The following DCLK1 variants were observed in gnomAD, a reference collection of about 807,000 sequenced individuals.
DCLK1 encodes serine/threonine-protein kinase DCLK1.
Under a neutral mutation model 86.2 loss-of-function variants are expected in DCLK1, and 16 were observed. The observed-to-expected ratio is 0.19, with a 90% CI of 0.13 to 0.28. The LOEUF (loss-of-function observed/expected upper bound fraction) is 0.28. Ranked by LOEUF, DCLK1 falls within the 10% of genes least tolerant of loss-of-function variation. The pLI is 1.00. For missense variants in DCLK1, 590 were observed against 940.2 expected (o/e 0.63, Z 4.87); for synonymous variants, 369 against 370.5 (o/e 1.00, Z 0.05).
chr13:36,060,259 T>C (rs1156291526), intron 3 of DCLK1, among the ~76,000 whole-genome samples: 2 of 152,218 alleles, frequency 1.3e-5, no homozygotes, highest in East Asian at 3.8e-4. Context: ...AATTCCATTT[T>C]CTTAGTATAA....
At chr13:35,967,314 C>T (rs1417253293) in intron 3 of DCLK1, among the ~76,000 whole-genome samples, 4 of 152,178 alleles carry the variant, frequency 2.6e-5, no homozygotes, top group Admixed American at 2.0e-4. Context: ...GCCGCCACCC[C>T]ATCTGGGAGG....
chr13:36,082,657 G>A (rs147096405), intron 3 of DCLK1, among the ~76,000 whole-genome samples: 31 of 152,294 alleles, frequency 2.0e-4, no homozygotes, highest in Non-Finnish European at 3.7e-4. Flanking sequence ...CAGCTGAAAA[G>A]ATACAGTCCT....
intron 4 of DCLK1, among the ~76,000 whole-genome samples, chr13:35,944,971 G>A (rs1267345508): frequency 5.9e-5 from 9 of 152,028 alleles, no homozygotes; most frequent in African/African-American, 2.2e-4. Flanking sequence ...GTGCGATCTC[G>A]GTTCACCGCA....
intron 4 of DCLK1, among the ~76,000 whole-genome samples, chr13:35,923,540 G>T (rs952994421): frequency 1.3e-5 from 2 of 152,020 alleles, no homozygotes; most frequent in Non-Finnish European, 2.9e-5. Flanking sequence ...GTGGGGGGTA[G>T]AGAGGCTATG....
intron 3 of DCLK1, among the ~76,000 whole-genome samples, chr13:36,037,774 A>T (rs1882561052): frequency 1.3e-5 from 2 of 152,084 alleles, no homozygotes; most frequent in Non-Finnish European, 2.9e-5. Flanking sequence ...ATGAGCCACC[A>T]TGCCCGGCCA....
intron 11 of DCLK1, among the ~76,000 whole-genome samples, chr13:35,821,075 T>C (rs1474127066): frequency 1.3e-5 from 2 of 152,338 alleles, no homozygotes; most frequent in African/African-American, 2.4e-5. Context: ...GCTAAGGCTC[T>C]GGAAGTCAGA....
At chr13:35,916,683 T>G (rs1875433084) in intron 4 of DCLK1, among the ~76,000 whole-genome samples, 1 of 152,190 alleles carries the variant, frequency 6.6e-6, no homozygotes, top group African/African-American at 2.4e-5. Context: ...AACATGAAAC[T>G]TTAATACACA....
intron 2 of DCLK1, among the ~76,000 whole-genome samples, chr13:36,120,888 G>A (rs555878605): frequency 3.3e-5 from 5 of 152,198 alleles, no homozygotes; most frequent in East Asian, 3.9e-4. Context: ...ATAGAGAAAC[G>A]GCCACTTTCA....
rs1029864686 is a variant in DCLK1, at chr13:35,899,094, G to T, written c.824-27754C>A. 1.3e-4 allele frequency among the ~76,000 whole-genome samples: 20 copies of T among 152,116 alleles called. 1 individual carries two copies. Among genetic ancestry groups the T allele is most frequent in the African/African-American group, 4.8e-4 (20 of 41,428 alleles). ...GAAAATGATGCTCTGCTTATAGGGGGACAGCATGCAATGACTGACACTGAG... is the reference window on the plus strand; with the variant it reads ...GAAAATGATGCTCTGCTTATAGGGGTACAGCATGCAATGACTGACACTGAG... On this transcript the variant is annotated intron_variant, in intron 4 of 16. Coordinates refer to ENST00000360631, the MANE Select transcript of DCLK1 (RefSeq NM_001330071.2).
In DCLK1 at chr13:35,979,327, G is replaced by GTCTCATTGTC. The variant is rs538610842; in HGVS notation, c.724-31871_724-31870insGACAATGAGA. On this transcript the variant is annotated intron_variant, in intron 3 of 16. Coordinates refer to ENST00000360631, the MANE Select transcript of DCLK1 (RefSeq NM_001330071.2). The stretch of plus-strand genomic sequence containing the variant: ...AAGGACTAATCAATGAGGTTTCATG[G>GTCTCATTGTC]AAGACAAGGGATGTCAGCTGATCTC... 2.1e-3 allele frequency among the ~76,000 whole-genome samples: 325 copies of GTCTCATTGTC among 152,298 alleles called. 1 individual carries two copies. Among genetic ancestry groups the GTCTCATTGTC allele is most frequent in the Non-Finnish European group, 3.5e-3 (235 of 68,012 alleles).
At chr13:35,957,985 C>CACCACCACCACCACCACTATA (rs1878108485) in intron 3 of DCLK1, among the ~76,000 whole-genome samples, 1 of 151,196 alleles carries the variant, frequency 6.6e-6, no homozygotes, top group East Asian at 1.9e-4. Flanking sequence ...CTGCTATAAC[C>CACCACCACCACCACCACTATA]ACCACCACCA....
At chr13:35,815,830 C>A (rs1185885321) in intron 11 of DCLK1, among the ~76,000 whole-genome samples, 1 of 151,632 alleles carries the variant, frequency 6.6e-6, no homozygotes, top group Non-Finnish European at 1.5e-5. Flanking sequence ...AAAATTTATA[C>A]CTACATGTAA....
At chr13:36,101,515 T>G (rs1885217708) in intron 3 of DCLK1, among the ~76,000 whole-genome samples, 1 of 152,098 alleles carries the variant, frequency 6.6e-6, no homozygotes, top group East Asian at 1.9e-4. Context: ...GGGTTCGCCG[T>G]CTTTAGGGCT....
intron 3 of DCLK1, among the ~76,000 whole-genome samples, chr13:36,097,663 A>T (rs1344307017): frequency 6.6e-6 from 1 of 152,222 alleles, no homozygotes; most frequent in African/African-American, 2.4e-5. Flanking sequence ...AAGACATTTC[A>T]GTAGCTTTCT....
In DCLK1 at chr13:35,840,168, G is replaced by A. The variant is rs538650821; in HGVS notation, c.1036-992C>T. ...GTTGAATTAATAATGAAGAGGTGGCGAGAAGCAAAGCTGACCTATTTTTCC... is the reference window on the plus strand; with the variant it reads ...GTTGAATTAATAATGAAGAGGTGGCAAGAAGCAAAGCTGACCTATTTTTCC... On this transcript the variant is annotated intron_variant, in intron 6 of 16. Coordinates refer to ENST00000360631, the MANE Select transcript of DCLK1 (RefSeq NM_001330071.2). Among the ~76,000 whole-genome samples, 17 of 152,172 alleles carry A rather than the reference G, an allele frequency of 1.1e-4. No individual in the cohort carries two copies. The South Asian group carries it at 1.2e-3, about 11-fold the overall frequency.
chr13:36,067,263 A>G (rs1405990243), intron 3 of DCLK1, among the ~76,000 whole-genome samples: 3 of 146,802 alleles, frequency 2.0e-5, no homozygotes, highest in Admixed American at 6.9e-5. Context: ...TTGTAGGGAC[A>G]TGGATGAAAT....
chr13:35,905,670 G>A (rs1433171637), intron 4 of DCLK1, among the ~76,000 whole-genome samples: 2 of 152,222 alleles, frequency 1.3e-5, no homozygotes, highest in Non-Finnish European at 2.9e-5. Context: ...GCCAGGCCAG[G>A]TGTGGTGGCT....
intron 3 of DCLK1, among the ~76,000 whole-genome samples, chr13:36,033,032 G>C (rs1452114173): frequency 6.6e-6 from 1 of 152,158 alleles, no homozygotes; most frequent in Non-Finnish European, 1.5e-5. Flanking sequence ...TAAACAACAG[G>C]ACTGATATAC....
chr13:35,846,473 G>A, intron 6 of DCLK1: 1 of 985,106 alleles, frequency 1.0e-6, no homozygotes, highest in Non-Finnish European at 1.2e-6. Context: ...ATACTATCTT[G>A]GAATTTATCC....
Sources: gnomAD v4.1 joint callset for allele counts (sites outside exome capture counted in the v4.1 genomes callset) on GRCh38, gnomAD v4.1.1 for gene constraint, MANE v1.5 for transcripts, NCBI Gene and HGNC (gene_info 2026-07-23, HGNC 2026-07-21) for gene names.